The following TMEM26 variants were observed in gnomAD, a reference collection of about 807,000 sequenced individuals.
The protein encoded by TMEM26 is transmembrane protein 26.
In TMEM26, 38 loss-of-function variants were observed where a neutral mutation model predicts 28.8. That is an observed-to-expected ratio of 1.32 (90% CI 1.02 to 1.73). The LOEUF (loss-of-function observed/expected upper bound fraction) is 1.73, where lower values mean the gene tolerates loss of function less well. TMEM26 is among the 40% of genes most tolerant of loss of function. The pLI is 0.00. For missense variants in TMEM26, 518 were observed against 447.1 expected, an observed-to-expected ratio of 1.16 and a Z score of -1.43; for synonymous variants, 227 against 182.9, an observed-to-expected ratio of 1.24 and a Z score of -1.95.
intron 1 of TMEM26, among the ~76,000 whole-genome samples, chr10:61,445,229 AT>A (rs1359273554): frequency 6.6e-6 from 1 of 152,206 alleles, no homozygotes; most frequent in African/African-American, 2.4e-5. Context: ...CATCACTAGT[AT>A]TAAGAGACTG....
intron 4 of TMEM26, among the ~76,000 whole-genome samples, chr10:61,416,839 T>C (rs540265363): frequency 6.6e-6 from 1 of 152,054 alleles, no homozygotes; most frequent in Admixed American, 6.6e-5. Flanking sequence ...TCCTACAGAA[T>C]AGGGATAAAT....
intron 4 of TMEM26, among the ~76,000 whole-genome samples, chr10:61,420,953 A>G (rs1056049181): frequency 1.1e-4 from 16 of 152,056 alleles, no homozygotes; most frequent in Non-Finnish European, 7.4e-5. Context: ...ATTATATAGA[A>G]CAACAATTAT....
chr10:61,452,656 T>G, intron 1 of TMEM26: 1 of 503,192 alleles, frequency 2.0e-6, no homozygotes, highest in Non-Finnish European at 3.6e-6. Context: ...TGAGACTGGG[T>G]GACTCTTGCC....
rs1839542262 is a variant in TMEM26, at chr10:61,409,996, A to G, written c.*326T>C. 1 of 268,892 alleles carries G rather than the reference A, an allele frequency of 3.7e-6. No individual in the cohort carries two copies. The highest frequency in any genetic ancestry group is 4.8e-5 in the Admixed American group (1 of 20,642). 16.7% of individuals were successfully genotyped at this position (268,892 alleles called of 1,614,324 possible). Reference sequence around the variant, plus strand: ...TCTCTATTTCCAGGTAACAGCCGCGACAGTTGGTCTGCACCAAATCTTTCG... The same window carrying G: ...TCTCTATTTCCAGGTAACAGCCGCGGCAGTTGGTCTGCACCAAATCTTTCG... On this transcript the variant is annotated 3_prime_UTR_variant, in exon 6 of 6. Coordinates refer to ENST00000399298, the MANE Select transcript of TMEM26 (RefSeq NM_178505.8).
intron 4 of TMEM26, 147 bp downstream of exon 4, chr10:61,428,778 TA>T: frequency 1.5e-6 from 1 of 682,302 alleles, no homozygotes; most frequent in Non-Finnish European, 2.5e-6. Flanking sequence ...TTCTAATACG[TA>T]AACAGCAGCA....
intron 2 of TMEM26, 46 bp from the exon 3 acceptor site, chr10:61,431,378 A>G: frequency 7.4e-7 from 1 of 1,357,512 alleles, no homozygotes; most frequent in Non-Finnish European, 1.1e-6. Flanking sequence ...AAATTAGCAC[A>G]ATATGGTAGA....
At chr10:61,444,963 C>T (rs1840155734) in intron 1 of TMEM26, among the ~76,000 whole-genome samples, 1 of 152,160 alleles carries the variant, frequency 6.6e-6, no homozygotes, top group African/African-American at 2.4e-5. Flanking sequence ...AATGTGAGTG[C>T]TCACCTGATG....
intron 1 of TMEM26, among the ~76,000 whole-genome samples, chr10:61,444,564 T>C (rs987568225): frequency 2.0e-5 from 3 of 151,836 alleles, no homozygotes; most frequent in Non-Finnish European, 1.5e-5. Context: ...GACACTCTTG[T>C]ATGTAGTGTG....
intron 5 of TMEM26, among the ~76,000 whole-genome samples, chr10:61,412,013 G>T (rs1839575904): frequency 6.6e-6 from 1 of 152,102 alleles, no homozygotes. Context: ...TCTTAGCAAG[G>T]CAATAAACCA....
rs1408659784 is a variant in TMEM26, at chr10:61,408,153, C to A, written c.*2169G>T. 1.3e-5 allele frequency: 2 copies of A among 152,108 alleles called. No homozygotes were observed. Among genetic ancestry groups the A allele is most frequent in the Non-Finnish European group, 2.9e-5 (2 of 68,022 alleles). The allele number at this position is 152,108 out of a possible 1,614,324, so 9.4% of individuals were successfully genotyped here. ...CTAGGTTAACAAATGCTGCCCCAAG[C>A]AGATTTTCCTGGAAAACCTTGCAGA... On this transcript the variant is annotated 3_prime_UTR_variant, in exon 6 of 6. Coordinates refer to ENST00000399298, the MANE Select transcript of TMEM26 (RefSeq NM_178505.8).
rs569726066 is a variant in TMEM26, at chr10:61,414,108, T to C, written c.606-573A>G. ...TAAGCCTATTTCATTCACCACTGTATCCTTAGTGCCTAGAACAGTGCTTGA... is the reference window on the plus strand; with the variant it reads ...TAAGCCTATTTCATTCACCACTGTACCCTTAGTGCCTAGAACAGTGCTTGA... On this transcript the variant is annotated intron_variant, in intron 4 of 5. Transcript: ENST00000399298. 33 of 945,296 alleles carry C rather than the reference T, an allele frequency of 3.5e-5. No individual in the cohort carries two copies. The East Asian group carries it at 3.6e-3, about 103-fold the overall frequency. 58.6% of individuals were successfully genotyped at this position (945,296 alleles called of 1,614,324 possible).
chr10:61,415,529 C>T (rs1839637282), intron 4 of TMEM26, among the ~76,000 whole-genome samples: 1 of 151,996 alleles, frequency 6.6e-6, no homozygotes, highest in Non-Finnish European at 1.5e-5. Flanking sequence ...CTCACACCAG[C>T]TCAACAAAGT....
chr10:61,442,862 G>A (rs988179868), intron 1 of TMEM26, among the ~76,000 whole-genome samples: 1 of 152,150 alleles, frequency 6.6e-6, no homozygotes, highest in African/African-American at 2.4e-5. Flanking sequence ...TGTGTAAGGG[G>A]AATATGATGA....
chr10:61,436,118 G>T, intron 2 of TMEM26, 52 bp downstream of exon 2: 1 of 1,176,328 alleles, frequency 8.5e-7, no homozygotes, highest in Non-Finnish European at 1.3e-6. Flanking sequence ...ATCATACTGT[G>T]AAAGTAGCTT....
At chr10:61,435,520 T>C (rs1839989849) in intron 2 of TMEM26, among the ~76,000 whole-genome samples, 2 of 152,178 alleles carry the variant, frequency 1.3e-5, no homozygotes, top group South Asian at 4.1e-4. Context: ...GATCTTCTAA[T>C]ACATATAAGC....
At chr10:61,438,497 T>G (rs899223419) in intron 1 of TMEM26, among the ~76,000 whole-genome samples, 1 of 152,042 alleles carries the variant, frequency 6.6e-6, no homozygotes, top group African/African-American at 2.4e-5. Flanking sequence ...GACTAACCCC[T>G]CCCTAACAAT....
At chr10:61,446,663 C>G (rs1386916727) in intron 1 of TMEM26, among the ~76,000 whole-genome samples, 1 of 151,186 alleles carries the variant, frequency 6.6e-6, no homozygotes, top group Admixed American at 6.6e-5. Context: ...TACTAAAATA[C>G]AAAAAATTAA....
intron 1 of TMEM26, among the ~76,000 whole-genome samples, chr10:61,446,969 TA>T (rs141511563): frequency 1.3e-5 from 2 of 149,954 alleles, no homozygotes; most frequent in Middle Eastern, 3.5e-3. Context: ...CAACAAACTT[TA>T]AAAAAAAATG....
In TMEM26 at chr10:61,453,136, G is replaced by A; in HGVS notation, c.-55C>T. 1.3e-6 allele frequency: 2 copies of A among 1,567,696 alleles called. No individual in the cohort carries two copies. The highest frequency in any genetic ancestry group is 1.7e-6 in the Non-Finnish European group (2 of 1,152,232). On this transcript the variant is annotated 5_prime_UTR_variant, in exon 1 of 6. Coordinates refer to ENST00000399298, the MANE Select transcript of TMEM26 (RefSeq NM_178505.8). ...TTGCCTGCGCCCCCAGGACCCTGCC[G>A]GGCGTGCCCGGAGCCCACCGGTGAG...
Sources: allele counts gnomAD v4.1 joint callset (sites outside exome capture counted in the v4.1 genomes callset), GRCh38; gene constraint gnomAD v4.1.1; transcripts MANE v1.5; gene names NCBI Gene and HGNC (gene_info 2026-07-23, HGNC 2026-07-21).